The following PHF24 variants were observed in gnomAD, a reference collection of about 807,000 sequenced individuals.
PHF24 encodes PHD finger protein 24.
In PHF24, 25 loss-of-function variants were observed where a neutral mutation model predicts 42.6. The ratio of observed to expected loss-of-function variants is 0.59; its 90% CI spans 0.43 to 0.82. The LOEUF (loss-of-function observed/expected upper bound fraction) is 0.82. Among genes scored for constraint, PHF24 ranks in the 40% least tolerant of loss-of-function variants. The pLI, the probability that PHF24 is intolerant of heterozygous loss-of-function variation, is 0.00. For missense variants in PHF24, 470 were observed against 538.1 expected, an observed-to-expected ratio of 0.87 and a Z score of 1.25; for synonymous variants, 185 against 204.8, an observed-to-expected ratio of 0.90 and a Z score of 0.83.
At chr9:34,748,438 G>A in the PHF24 span, among the ~76,000 whole-genome samples, 61 of 152,254 alleles carry the variant, frequency 4.0e-4, no homozygotes, top group East Asian at 8.9e-3. Context: ...GTGAGTTCTC[G>A]TGAGATCAGG....
intron 1 of PHF24, among the ~76,000 whole-genome samples, chr9:34,961,333 C>T (rs1046029902): frequency 1.2e-4 from 18 of 152,206 alleles, no homozygotes; most frequent in African/African-American, 4.3e-4. Flanking sequence ...ACAGGAATTG[C>T]TTGCCAGCTT....
chr9:34,953,936 T>G (rs898787277), upstream of PHF24, among the ~76,000 whole-genome samples: 22 of 152,126 alleles, frequency 1.4e-4, no homozygotes, highest in African/African-American at 4.8e-4. The surrounding 1 kb of genome is among the most constrained non-coding windows in gnomAD (Gnocchi z 4.1). Context: ...ACCCTGTCTC[T>G]TAAAACAAAC....
intron 7 of PHF24, 46 bp from the exon 8 acceptor site, chr9:34,977,969 T>C (rs373630027): frequency 7.7e-5 from 112 of 1,449,940 alleles, no homozygotes; most frequent in Middle Eastern, 3.4e-4. Context: ...AGGGCTCACG[T>C]GTCTTCAAAC....
chr9:34,721,495 A>G, the PHF24 span, among the ~76,000 whole-genome samples: 2 of 146,100 alleles, frequency 1.4e-5, no homozygotes, highest in African/African-American at 5.1e-5. Flanking sequence ...GCTCACTGCA[A>G]CCTCCACCTC....
the PHF24 span, among the ~76,000 whole-genome samples, chr9:34,771,163 C>T: frequency 6.6e-6 from 1 of 152,184 alleles, no homozygotes; most frequent in East Asian, 1.9e-4. Flanking sequence ...TCATGTGTCA[C>T]TTAGTGACGA....
the PHF24 span, chr9:34,918,218 CT>C: frequency 1.3e-6 from 2 of 1,493,708 alleles, no homozygotes; most frequent in Non-Finnish European, 1.9e-6. Context: ...ACTGTGACCC[CT>C]TTTCGGTGAC....
chr9:34,883,508 A>C, the PHF24 span, among the ~76,000 whole-genome samples: 2 of 152,254 alleles, frequency 1.3e-5, no homozygotes, highest in Non-Finnish European at 2.9e-5. Flanking sequence ...GAACTCAAAC[A>C]AATTTACAAG....
chr9:34,775,859 C>G, the PHF24 span, among the ~76,000 whole-genome samples: 9 of 152,166 alleles, frequency 5.9e-5, no homozygotes, highest in Non-Finnish European at 1.2e-4. Context: ...AAATGCCCAG[C>G]ACTGAATATC....
intron 1 of PHF24, among the ~76,000 whole-genome samples, chr9:34,966,586 C>CA (rs199813386): frequency 1.1e-4 from 16 of 151,904 alleles, no homozygotes; most frequent in Admixed American, 1.1e-3. Flanking sequence ...CGAGACCCCC[C>CA]CCCTCGCCCC....
chr9:34,827,756 C>A, the PHF24 span, among the ~76,000 whole-genome samples: 3 of 152,208 alleles, frequency 2.0e-5, no homozygotes, highest in East Asian at 5.8e-4. Flanking sequence ...GATGTCCCTC[C>A]CATCTTCTCA....
chr9:34,895,497 G>A, the PHF24 span: 1 of 398,198 alleles, frequency 2.5e-6, no homozygotes, highest in African/African-American at 2.1e-5. Context: ...AAAAGCAAGG[G>A]CTAAGAGTAA....
the PHF24 span, among the ~76,000 whole-genome samples, chr9:34,676,943 C>T: frequency 6.6e-6 from 1 of 152,248 alleles, no homozygotes. Flanking sequence ...TTCCCGTGAT[C>T]CAATCACCTC....
chr9:34,863,415 CA>C, the PHF24 span, among the ~76,000 whole-genome samples: 1 of 146,966 alleles, frequency 6.8e-6, no homozygotes, highest in Non-Finnish European at 1.5e-5. Context: ...GCTGGCTCAT[CA>C]GAGAGAGAGA....
At chr9:34,666,531 T>A in the PHF24 span, among the ~76,000 whole-genome samples, 1 of 149,760 alleles carries the variant, frequency 6.7e-6, no homozygotes, top group Non-Finnish European at 1.5e-5. Flanking sequence ...TCCTCTCTGG[T>A]CTGAGACCTA....
the PHF24 span, chr9:34,723,678 C>A: frequency 1.8e-4 from 278 of 1,551,506 alleles, no homozygotes; most frequent in Admixed American, 2.6e-4. Flanking sequence ...AAAACTTGGC[C>A]TTGCAAAGTT....
the PHF24 span, among the ~76,000 whole-genome samples, chr9:34,720,202 T>C: frequency 6.6e-6 from 1 of 152,004 alleles, no homozygotes; most frequent in Non-Finnish European, 1.5e-5. Flanking sequence ...CCCAGCGCTT[T>C]GGGAGGCCGA....
chr9:34,761,907 T>A, the PHF24 span, among the ~76,000 whole-genome samples: 3 of 152,164 alleles, frequency 2.0e-5, no homozygotes, highest in Non-Finnish European at 4.4e-5. Context: ...CCATGTGTTC[T>A]CATTGCTCAA....
the PHF24 span, among the ~76,000 whole-genome samples, chr9:34,934,182 T>G: frequency 1.3e-5 from 2 of 152,184 alleles, no homozygotes; most frequent in Non-Finnish European, 2.9e-5. Flanking sequence ...AGGATTTTGA[T>G]TCCACAATTT....
chr9:34,971,676 T>C (rs767878709), exon 2 of PHF24: 4 of 1,605,152 alleles, frequency 2.5e-6, no homozygotes, highest in Non-Finnish European at 3.4e-6. Context: ...CCAGAGAGCC[T>C]GTGAGTATCC....
Sources: allele counts gnomAD v4.1 joint callset (sites outside exome capture counted in the v4.1 genomes callset), GRCh38; gene constraint gnomAD v4.1.1; non-coding constraint Gnocchi (gnomAD v3.1); transcripts MANE v1.5; gene names NCBI Gene and HGNC (gene_info 2026-07-23, HGNC 2026-07-21).